SRCIN1: variants seen among roughly 807,000 people sequenced by gnomAD.
SRCIN1 encodes the protein SRC kinase signaling inhibitor 1, also known as P130Cas-associated protein.
In SRCIN1, 50 loss-of-function variants were observed where a neutral mutation model predicts 116.2. The observed-to-expected ratio is 0.43, with a 90% CI of 0.34 to 0.54. SRCIN1 has a LOEUF of 0.54. SRCIN1 is among the 20% of genes least tolerant of loss of function. The pLI, the probability that SRCIN1 is intolerant of heterozygous loss-of-function variation, is 0.02. For missense variants in SRCIN1, 1,446 were observed against 1,672.0 expected, an observed-to-expected ratio of 0.86 and a Z score of 2.36; for synonymous variants, 736 against 750.0, an observed-to-expected ratio of 0.98 and a Z score of 0.30.
rs1369343519 is a variant in SRCIN1 at position 38,572,130 on chromosome 17, C to A, written c.325-3899G>T. The stretch of plus-strand genomic sequence containing the variant: ...GCACCTTCCAAGGAGGGAGGGCAAC[C>A]CACGGGTCCACACCGGCTCCTTAAT... On this transcript the variant is annotated intron_variant, in intron 2 of 18. Transcript: ENST00000617146. The surrounding 1 kb of genome is among the most constrained non-coding windows in gnomAD (Gnocchi z 4.3). 6.6e-6 allele frequency among the ~76,000 whole-genome samples: 1 copy of A among 152,088 alleles called. No homozygotes were observed. The highest frequency in any genetic ancestry group is 1.5e-5 in the Non-Finnish European group (1 of 68,000).
At chr17:38,571,511 G>T (rs918209916) in intron 2 of SRCIN1, among the ~76,000 whole-genome samples, 2 of 152,166 alleles carry the variant, frequency 1.3e-5, no homozygotes, top group African/African-American at 4.8e-5. Context: ...AGGGCAGAGG[G>T]CAGGAAGGGC....
rs755790648 is a variant in SRCIN1, at chr17:38,552,182, C to A, written c.2481-50G>T. The A allele has an allele frequency of 1.9e-6, 3 of 1,570,560 alleles. No homozygotes were observed. The highest frequency in any genetic ancestry group is 1.2e-5 in the South Asian group (1 of 83,202). On this transcript the variant is annotated intron_variant, in intron 13 of 18. Coordinates refer to ENST00000617146, the MANE Select transcript of SRCIN1 (RefSeq NM_025248.3). The surrounding 1 kb of genome is among the most constrained non-coding windows in gnomAD (Gnocchi z 5.3). ...GCTGTGAGGCCAGCAGGTGGTGACCCTTCTGCAGGAAGGCTGCTCTGAGGG... is the reference window on the plus strand; with the variant it reads ...GCTGTGAGGCCAGCAGGTGGTGACCATTCTGCAGGAAGGCTGCTCTGAGGG...
At position 38,600,151 on chromosome 17, in the gene SRCIN1, C is replaced by T. The variant is rs539489402; in HGVS notation, c.22+5533G>A. Among the ~76,000 whole-genome samples the T allele has an allele frequency of 1.7e-3, 253 of 152,344 alleles. 2 individuals carry two copies. Among genetic ancestry groups the T allele is most frequent in the Non-Finnish European group, 3.3e-3 (223 of 68,030 alleles). On this transcript the variant is annotated intron_variant, in intron 1 of 18. Coordinates refer to ENST00000617146, the MANE Select transcript of SRCIN1 (RefSeq NM_025248.3). ...AACCTTGATCTCTCTTGCTGCATTT[C>T]CTCTGGCCCAGTCCTCCTTGGTGGC...
rs1271839850 is a variant in SRCIN1 at position 38,560,582 on chromosome 17, G to A, written c.1701-157C>T. On this transcript the variant is annotated intron_variant, in intron 7 of 18. Transcript: ENST00000617146. Reference sequence around the variant, plus strand: ...AAGGGCCCCAATGCCTAAGGATCAAGCCCACAGCCTCCCATCTCACCTTTC... The same window carrying A: ...AAGGGCCCCAATGCCTAAGGATCAAACCCACAGCCTCCCATCTCACCTTTC... Among the ~76,000 whole-genome samples the A allele has an allele frequency of 2.0e-5, 3 of 152,278 alleles. No individual in the cohort carries two copies. The East Asian group carries it at 5.8e-4, about 29-fold the overall frequency.
At position 38,562,419 on chromosome 17, in the gene SRCIN1, CT is replaced by C; in HGVS notation, c.835-92del. 7.5e-7 allele frequency: 1 copy of C among 1,333,296 alleles called. No homozygotes were observed. Among genetic ancestry groups the C allele is most frequent in the Non-Finnish European group, 9.7e-7 (1 of 1,030,398 alleles). The allele number at this position is 1,333,296 out of a possible 1,614,324, so 82.6% of individuals were successfully genotyped here. On this transcript the variant is annotated intron_variant, in intron 6 of 18. Coordinates refer to ENST00000617146, the MANE Select transcript of SRCIN1 (RefSeq NM_025248.3). The surrounding 1 kb of genome is among the most constrained non-coding windows in gnomAD (Gnocchi z 4.2). The stretch of plus-strand genomic sequence containing the variant: ...AGGAGCCAGCATCTCCTCCCTGACG[CT>C]TAGGAAGTCCCTTCTGCTCTCTGCC...
chr17:38,553,809 C>G (rs548792079), intron 11 of SRCIN1, among the ~76,000 whole-genome samples: 6 of 152,308 alleles, frequency 3.9e-5, no homozygotes, highest in Non-Finnish European at 8.8e-5. Flanking sequence ...GTTCTAGAGT[C>G]AGACTGATCC....
rs1474035452 is a variant in SRCIN1 at position 38,572,399 on chromosome 17, G to A, written c.325-4168C>T. Among the ~76,000 whole-genome samples the A allele has an allele frequency of 2.0e-5, 3 of 152,186 alleles. No homozygotes were observed. Among genetic ancestry groups the A allele is most frequent in the African/African-American group, 7.2e-5 (3 of 41,448 alleles). On this transcript the variant is annotated intron_variant, in intron 2 of 18. Coordinates refer to ENST00000617146, the MANE Select transcript of SRCIN1 (RefSeq NM_025248.3). The surrounding 1 kb of genome is among the most constrained non-coding windows in gnomAD (Gnocchi z 4.3). Reference sequence around the variant, plus strand: ...GGGTGCTGTGGGACGCTGGGGAAGAGGGCGCACCCCGGGAAGGTCATGACT... The same window carrying A: ...GGGTGCTGTGGGACGCTGGGGAAGAAGGCGCACCCCGGGAAGGTCATGACT...
In SRCIN1 at chr17:38,604,549, C is replaced by A; in HGVS notation, c.22+1135G>T. The A allele has an allele frequency of 4.4e-6, 2 of 454,818 alleles. No individual in the cohort carries two copies. The highest frequency in any genetic ancestry group is 4.4e-6 in the Non-Finnish European group (1 of 226,372). 28.2% of individuals were successfully genotyped at this position (454,818 alleles called of 1,614,324 possible). On this transcript the variant is annotated intron_variant, in intron 1 of 18. Transcript: ENST00000617146. The surrounding 1 kb of genome is among the most constrained non-coding windows in gnomAD (Gnocchi z 4.3). ...TGGGAGAGCGGGCTCTGCCCTCCGC[C>A]GTCCTCTCCCACCAGGCCAGGGCAA...
At chr17:38,570,497 G>A (rs947971254) in intron 2 of SRCIN1, among the ~76,000 whole-genome samples, 1 of 152,212 alleles carries the variant, frequency 6.6e-6, no homozygotes, top group Non-Finnish European at 1.5e-5. Flanking sequence ...CCAGGTCAGG[G>A]TGCCACTGTC....
upstream of SRCIN1, among the ~76,000 whole-genome samples, chr17:38,606,544 T>G (rs115775070): frequency 0.042 from 6,357 of 152,024 alleles, 259 homozygotes; most frequent in African/African-American, 0.1. This position sits in a 1 kb window ranked among gnomAD's most constrained non-coding sequence, Gnocchi z 5.2. Flanking sequence ...TCGCCCCCGC[T>G]CCGGGTTGCA....
chr17:38,588,675 C>T (rs1308047503), intron 1 of SRCIN1, among the ~76,000 whole-genome samples: 1 of 152,212 alleles, frequency 6.6e-6, no homozygotes, highest in African/African-American at 2.4e-5. Context: ...CTGCAGCTGC[C>T]TCAGGCTGAA....
chr17:38,533,705 G>A (rs984254154), intron 18 of SRCIN1, among the ~76,000 whole-genome samples: 3 of 133,182 alleles, frequency 2.3e-5, no homozygotes, highest in Non-Finnish European at 3.2e-5. Flanking sequence ...GAAGCAGAGC[G>A]ACCAGAGAAG....
rs568144250 is a variant in SRCIN1 at position 38,558,689 on chromosome 17, G to A, written c.2026-287C>T. ...GGAGCGTTAAAATGGGCCATGCAAA[G>A]GGGGAGCTGCATGGCTGTGGCCGCG... is the stretch of plus-strand genomic sequence containing the variant. On this transcript the variant is annotated intron_variant, in intron 10 of 18. Transcript: ENST00000617146. This position sits in a 1 kb window ranked among gnomAD's most constrained non-coding sequence, Gnocchi z 4.6. 6.6e-6 allele frequency among the ~76,000 whole-genome samples: 1 copy of A among 152,304 alleles called. No homozygotes were observed. The highest frequency in any genetic ancestry group is 2.1e-4 in the South Asian group (1 of 4,820).
chr17:38,588,440 A>G (rs73291227), intron 1 of SRCIN1, among the ~76,000 whole-genome samples: 6,745 of 152,318 alleles, frequency 0.044, 299 homozygotes, highest in South Asian at 0.14. Flanking sequence ...CGCCCAGGGA[A>G]GGTGTCCTGT....
At chr17:38,569,850 G>A (rs963070180) in intron 2 of SRCIN1, among the ~76,000 whole-genome samples, 1 of 152,154 alleles carries the variant, frequency 6.6e-6, no homozygotes, top group Non-Finnish European at 1.5e-5. Context: ...AGGCTCCAGC[G>A]GCAGCTGACT....
intron 15 of SRCIN1, among the ~76,000 whole-genome samples, chr17:38,549,677 C>A (rs1232198312): frequency 6.6e-6 from 1 of 152,204 alleles, no homozygotes; most frequent in African/African-American, 2.4e-5. Context: ...CTCTCCTCTC[C>A]CCCAATTTGT....
At chr17:38,590,957 G>A (rs1307118826) in intron 1 of SRCIN1, among the ~76,000 whole-genome samples, 2 of 152,180 alleles carry the variant, frequency 1.3e-5, no homozygotes, top group African/African-American at 4.8e-5. Flanking sequence ...TCCTCTTGGG[G>A]GGGCCTATTC....
At chr17:38,549,993 T>C (rs1028153940) in intron 15 of SRCIN1, among the ~76,000 whole-genome samples, 1 of 152,234 alleles carries the variant, frequency 6.6e-6, no homozygotes, top group Non-Finnish European at 1.5e-5. Context: ...GTCACATCTT[T>C]AGGGAAGCCT....
At chr17:38,586,291 G>A (rs754827930) in intron 1 of SRCIN1, among the ~76,000 whole-genome samples, 11 of 152,304 alleles carry the variant, frequency 7.2e-5, no homozygotes, top group South Asian at 2.1e-4. Context: ...TCCCCCCAGC[G>A]TGGGCCCTGC....
Sources: gnomAD v4.1 joint callset for allele counts (sites outside exome capture counted in the v4.1 genomes callset) on GRCh38, gnomAD v4.1.1 for gene constraint, Gnocchi (gnomAD v3.1) non-coding constraint, MANE v1.5 for transcripts, NCBI Gene and HGNC (gene_info 2026-07-23, HGNC 2026-07-21) for gene names.